MAGI2: variants seen among roughly 807,000 people sequenced by gnomAD.
MAGI2 encodes the protein membrane-associated guanylate kinase, WW and PDZ domain-containing protein 2.
Under a neutral mutation model 133.3 loss-of-function variants are expected in MAGI2, and 35 were observed. That is an observed-to-expected ratio of 0.26 (90% CI 0.20 to 0.35). MAGI2 has a LOEUF of 0.35. Among genes scored for constraint, MAGI2 ranks in the 10% least tolerant of loss-of-function variants. The pLI, the probability that MAGI2 is intolerant of heterozygous loss-of-function variation, is 1.00. For missense variants in MAGI2, 1,636 were observed against 1,863.4 expected, an observed-to-expected ratio of 0.88 and a Z score of 2.25; for synonymous variants, 729 against 710.6, an observed-to-expected ratio of 1.03 and a Z score of -0.41.
chr7:79,206,952 G>A (rs892245088), intron 1 of MAGI2, among the ~76,000 whole-genome samples: 2 of 151,818 alleles, frequency 1.3e-5, no homozygotes, highest in African/African-American at 4.8e-5. Context: ...TAAACAGAAT[G>A]AAAGACAAAA....
intron 1 of MAGI2, among the ~76,000 whole-genome samples, chr7:79,162,222 G>C (rs1330716864): frequency 6.6e-6 from 1 of 151,904 alleles, no homozygotes; most frequent in East Asian, 1.9e-4. Flanking sequence ...TTTTTACTTG[G>C]TGGCCTAACG....
At chr7:78,438,127 A>C (rs1787228433) in intron 6 of MAGI2, among the ~76,000 whole-genome samples, 1 of 152,194 alleles carries the variant, frequency 6.6e-6, no homozygotes, top group Non-Finnish European at 1.5e-5. Context: ...AGAATAAAGC[A>C]AACAGATAAC....
intron 10 of MAGI2, among the ~76,000 whole-genome samples, chr7:78,229,603 A>T (rs1789751667): frequency 6.6e-6 from 1 of 152,252 alleles, no homozygotes. Context: ...CTGCAAGGAC[A>T]CTGAGCCTGT....
chr7:78,587,826 A>G (rs1250891724), intron 3 of MAGI2, among the ~76,000 whole-genome samples: 1 of 152,262 alleles, frequency 6.6e-6, no homozygotes, highest in Non-Finnish European at 1.5e-5. Flanking sequence ...ATCTCTTCTT[A>G]TAAAGATTCA....
At chr7:78,379,440 G>T (rs532156666) in intron 6 of MAGI2, among the ~76,000 whole-genome samples, 27 of 151,984 alleles carry the variant, frequency 1.8e-4, no homozygotes, top group African/African-American at 6.3e-4. Flanking sequence ...CAAGTCAAAA[G>T]CTTTAAATAT....
At chr7:79,365,534 G>C (rs1176991795) in intron 1 of MAGI2, among the ~76,000 whole-genome samples, 1 of 152,056 alleles carries the variant, frequency 6.6e-6, no homozygotes, top group African/African-American at 2.4e-5. Context: ...ATACTACTCA[G>C]CAACAAAGAG....
At chr7:79,343,217 C>A (rs1006548405) in intron 1 of MAGI2, 3 of 152,054 alleles carry the variant, frequency 2.0e-5, no homozygotes, top group Non-Finnish European at 4.4e-5. Flanking sequence ...ATATTCAGCA[C>A]CTGCAAATGT....
At chr7:78,094,881 GA>G (rs1272460306) in intron 20 of MAGI2, among the ~76,000 whole-genome samples, 2 of 152,112 alleles carry the variant, frequency 1.3e-5, no homozygotes, top group Non-Finnish European at 2.9e-5. Flanking sequence ...ATACTAGGCT[GA>G]AGGCTTGAGC....
chr7:78,924,161 C>G (rs1054127710), intron 2 of MAGI2, among the ~76,000 whole-genome samples: 1 of 152,142 alleles, frequency 6.6e-6, no homozygotes, highest in Non-Finnish European at 1.5e-5. Context: ...TTGACTTCCT[C>G]TTTTCCTAAT....
intron 1 of MAGI2, among the ~76,000 whole-genome samples, chr7:79,170,489 G>T (rs545702957): frequency 6.6e-6 from 1 of 151,964 alleles, no homozygotes; most frequent in African/African-American, 2.4e-5. Context: ...ATACTATAAA[G>T]TATTGAATCA....
At position 78,128,017 on chromosome 7, in the gene MAGI2, C is replaced by T. The variant is rs115426067; in HGVS notation, c.3204-601G>A. Among the ~76,000 whole-genome samples, 640 of 152,168 alleles carry T rather than the reference C, an allele frequency of 4.2e-3. 4 individuals are homozygous for T. The highest frequency in any genetic ancestry group is 0.015 in the African/African-American group (610 of 41,516). ...ACCAACTACAAACCAAGTGGCAAGTCATTGGACCATTGGTAAAATTGGAAA... is the reference window on the plus strand; with the variant it reads ...ACCAACTACAAACCAAGTGGCAAGTTATTGGACCATTGGTAAAATTGGAAA... On this transcript the variant is annotated intron_variant, in intron 18 of 21. Coordinates refer to ENST00000354212, the MANE Select transcript of MAGI2 (RefSeq NM_012301.4).
At chr7:78,395,712 T>C (rs1796286365) in intron 6 of MAGI2, among the ~76,000 whole-genome samples, 2 of 152,218 alleles carry the variant, frequency 1.3e-5, no homozygotes, top group Non-Finnish European at 2.9e-5. Flanking sequence ...TACTCTTTTT[T>C]CTATTTTATA....
chr7:79,057,433 A>G (rs1013976335), intron 1 of MAGI2, among the ~76,000 whole-genome samples: 4 of 152,202 alleles, frequency 2.6e-5, no homozygotes, highest in African/African-American at 4.8e-5. Context: ...AATTGAGCAA[A>G]TACATTTTAG....
chr7:78,686,115 T>C (rs1392786029), intron 2 of MAGI2, among the ~76,000 whole-genome samples: 1 of 71,428 alleles, frequency 1.4e-5, no homozygotes, highest in African/African-American at 6.9e-5. Context: ...GAAGATGAAA[T>C]GTGATTTTTT....
At chr7:78,403,077 T>C (rs1797043008) in intron 6 of MAGI2, among the ~76,000 whole-genome samples, 1 of 152,238 alleles carries the variant, frequency 6.6e-6, no homozygotes, top group African/African-American at 2.4e-5. Context: ...TGTATACACG[T>C]GCCGTGTTGG....
intron 21 of MAGI2, among the ~76,000 whole-genome samples, chr7:78,048,539 G>T (rs1252424577): frequency 2.0e-5 from 3 of 152,052 alleles, no homozygotes; most frequent in African/African-American, 7.2e-5. Flanking sequence ...AAAAATGTAT[G>T]ATCTGGGTGG....
At chr7:79,340,476 T>A (rs1840805956) in intron 1 of MAGI2, among the ~76,000 whole-genome samples, 1 of 152,146 alleles carries the variant, frequency 6.6e-6, no homozygotes, top group Non-Finnish European at 1.5e-5. Context: ...AAAAGCTTTA[T>A]TACAATATTC....
chr7:78,051,284 C>A (rs1180327981), intron 21 of MAGI2, among the ~76,000 whole-genome samples: 1 of 152,086 alleles, frequency 6.6e-6, no homozygotes, highest in Non-Finnish European at 1.5e-5. Context: ...CTGGAGAGGG[C>A]CGATGATTTT....
intron 6 of MAGI2, among the ~76,000 whole-genome samples, chr7:78,482,217 G>A (rs1667742013): frequency 6.6e-6 from 1 of 151,924 alleles, no homozygotes; most frequent in Non-Finnish European, 1.5e-5. Flanking sequence ...ACACCTGTCA[G>A]AATGGCTAAA....
Sources: gnomAD v4.1 joint callset for allele counts (sites outside exome capture counted in the v4.1 genomes callset) on GRCh38, gnomAD v4.1.1 for gene constraint, MANE v1.5 for transcripts, NCBI Gene and HGNC (gene_info 2026-07-23, HGNC 2026-07-21) for gene names.